AFG2A: variants seen among roughly 807,000 people sequenced by gnomAD.
The protein encoded by AFG2A is ATPase family gene 2 protein homolog A.
the AFG2A span, among the ~76,000 whole-genome samples, chr4:123,088,983 C>G: frequency 1.3e-5 from 2 of 152,114 alleles, no homozygotes; most frequent in South Asian, 4.1e-4. Context: ...AATTTGTGTA[C>G]CGGCAGAGTA....
the AFG2A span, among the ~76,000 whole-genome samples, chr4:123,065,966 A>C: frequency 1.3e-5 from 2 of 152,204 alleles, no homozygotes; most frequent in African/African-American, 4.8e-5. Context: ...TATATTTAAA[A>C]AAATGAAAAA....
chr4:123,060,630 G>T, the AFG2A span, among the ~76,000 whole-genome samples: 2 of 152,102 alleles, frequency 1.3e-5, no homozygotes, highest in African/African-American at 4.8e-5. Context: ...GGCAGGGGGG[G>T]CCCTGGACCT....
the AFG2A span, among the ~76,000 whole-genome samples, chr4:123,300,188 C>T: frequency 6.6e-6 from 1 of 152,092 alleles, no homozygotes; most frequent in Non-Finnish European, 1.5e-5. Context: ...TTTGATAGTA[C>T]ATTAAATAAT....
the AFG2A span, among the ~76,000 whole-genome samples, chr4:123,132,825 G>T: frequency 1.4e-5 from 2 of 145,802 alleles, no homozygotes; most frequent in South Asian, 2.1e-4. Flanking sequence ...CTGTCGCCCA[G>T]GCTGAAGTGC....
At chr4:123,207,775 A>G in the AFG2A span, among the ~76,000 whole-genome samples, 6 of 152,250 alleles carry the variant, frequency 3.9e-5, no homozygotes, top group African/African-American at 1.4e-4. Context: ...TCAGAAAGAA[A>G]TTAAGAAAAT....
At chr4:123,133,494 G>A in the AFG2A span, among the ~76,000 whole-genome samples, 13 of 151,542 alleles carry the variant, frequency 8.6e-5, no homozygotes, top group African/African-American at 2.4e-4. Flanking sequence ...GTGTGCGTGT[G>A]TGTGTGTGTG....
At chr4:123,124,899 C>T in the AFG2A span, among the ~76,000 whole-genome samples, 3 of 152,128 alleles carry the variant, frequency 2.0e-5, no homozygotes, top group Admixed American at 6.5e-5. Flanking sequence ...GAAAATGTAA[C>T]ATAAAATTAA....
At chr4:123,138,408 T>G in the AFG2A span, among the ~76,000 whole-genome samples, 2 of 152,206 alleles carry the variant, frequency 1.3e-5, no homozygotes, top group Admixed American at 1.3e-4. Flanking sequence ...ACACATTCTT[T>G]GAGTGTTCTA....
the AFG2A span, among the ~76,000 whole-genome samples, chr4:123,052,120 G>A: frequency 0.041 from 6,194 of 151,738 alleles, 411 homozygotes; most frequent in African/African-American, 0.14. Flanking sequence ...CCCATAAACC[G>A]TTCATTTCTT....
chr4:123,117,243 T>C, the AFG2A span, among the ~76,000 whole-genome samples: 1 of 151,998 alleles, frequency 6.6e-6, no homozygotes, highest in East Asian at 1.9e-4. Context: ...GTTCATTTCA[T>C]AAAGGAGCTC....
the AFG2A span, among the ~76,000 whole-genome samples, chr4:123,159,716 G>A: frequency 6.6e-6 from 1 of 152,114 alleles, no homozygotes. Flanking sequence ...GGAGGTGCAG[G>A]AAGTGAGGAC....
At chr4:123,255,577 T>C in the AFG2A span, among the ~76,000 whole-genome samples, 1 of 151,954 alleles carries the variant, frequency 6.6e-6, no homozygotes, top group African/African-American at 2.4e-5. Context: ...TTTTAGTAGT[T>C]ATTTAAGGAA....
chr4:123,198,622 A>G, the AFG2A span, among the ~76,000 whole-genome samples: 1 of 152,150 alleles, frequency 6.6e-6, no homozygotes, highest in Non-Finnish European at 1.5e-5. Context: ...GGACCATTAA[A>G]AGCCAAAACA....
At chr4:122,958,502 C>T in the AFG2A span, among the ~76,000 whole-genome samples, 1 of 152,162 alleles carries the variant, frequency 6.6e-6, no homozygotes, top group Non-Finnish European at 1.5e-5. Flanking sequence ...TATTCTTCCC[C>T]ACGGAATTCA....
At chr4:122,934,796 T>A in the AFG2A span, 1 of 1,507,102 alleles carries the variant, frequency 6.6e-7, no homozygotes, top group Non-Finnish European at 8.9e-7. Flanking sequence ...AAAAGACAGT[T>A]GACACTTATG....
chr4:123,284,143 G>A, the AFG2A span, among the ~76,000 whole-genome samples: 27 of 152,158 alleles, frequency 1.8e-4, no homozygotes, highest in African/African-American at 5.8e-4. Context: ...TAGAATGTCT[G>A]AGGGCTGTGC....
chr4:123,104,477 G>T, the AFG2A span, among the ~76,000 whole-genome samples: 2 of 152,058 alleles, frequency 1.3e-5, no homozygotes, highest in East Asian at 3.9e-4. Flanking sequence ...CAGATTAAAG[G>T]TAGAGTCTCA....
the AFG2A span, chr4:122,927,813 C>A: frequency 6.3e-7 from 1 of 1,593,716 alleles, no homozygotes; most frequent in Non-Finnish European, 8.5e-7. Context: ...CATTGCAAAT[C>A]CAAGAATCTA....
the AFG2A span, among the ~76,000 whole-genome samples, chr4:122,945,140 G>T: frequency 2.6e-5 from 4 of 152,226 alleles, no homozygotes; most frequent in Non-Finnish European, 5.9e-5. Flanking sequence ...CCAGCTGCGT[G>T]CTGGGAGAAC....
Sources: gnomAD v4.1 joint callset for allele counts (sites outside exome capture counted in the v4.1 genomes callset) on GRCh38, gnomAD v4.1.1 for gene constraint, MANE v1.5 for transcripts, NCBI Gene and HGNC (gene_info 2026-07-23, HGNC 2026-07-21) for gene names.